Variants in CHD7 observed in about 807,000 individuals in gnomAD.
CHD7 encodes ATP-dependent chromatin remodeler CHD7.
Under a neutral mutation model 307.3 loss-of-function variants are expected in CHD7, and 24 were observed. That is an observed-to-expected ratio of 0.08 (90% CI 0.06 to 0.11). CHD7 has a LOEUF of 0.11. CHD7 is among the 10% of genes least tolerant of loss of function. CHD7 has a pLI of 1.00. For missense variants in CHD7, 3,106 were observed against 3,727.1 expected (o/e 0.83, Z 4.34); for synonymous variants, 1,363 against 1,349.9 (o/e 1.01, Z -0.21).
chr8:60,725,017 T>A (rs1808096616), intron 1 of CHD7, among the ~76,000 whole-genome samples: 1 of 152,234 alleles, frequency 6.6e-6, no homozygotes, highest in South Asian at 2.1e-4. Context: ...TTTGGTGGAT[T>A]ATTTGTTTAA....
chr8:60,820,230 T>C, intron 9 of CHD7, 140 bp downstream of exon 9: 1 of 466,502 alleles, frequency 2.1e-6, no homozygotes, highest in South Asian at 6.2e-5. Context: ...AACTGAAACT[T>C]AATGATTTAT....
At chr8:60,723,132 A>G (rs1377811461) in intron 1 of CHD7, among the ~76,000 whole-genome samples, 1 of 152,130 alleles carries the variant, frequency 6.6e-6, no homozygotes, top group East Asian at 1.9e-4. Flanking sequence ...ATTTGTTAAT[A>G]TTACCACCTA....
intron 1 of CHD7, among the ~76,000 whole-genome samples, chr8:60,736,539 A>G (rs907774562): frequency 1.4e-4 from 21 of 152,110 alleles, no homozygotes; most frequent in African/African-American, 4.8e-4. Context: ...GGAAATTCTG[A>G]TTCATGCTCC....
rs887422752 is a variant in CHD7 at position 60,788,980 on chromosome 8, C to A, written c.2097-6006C>A. Among the ~76,000 whole-genome samples the A allele has an allele frequency of 3.3e-5, 5 of 152,162 alleles. No individual in the cohort carries two copies. The East Asian group carries it at 9.6e-4, about 29-fold the overall frequency. On this transcript the variant is annotated intron_variant, in intron 3 of 37. Coordinates refer to ENST00000423902, the MANE Select transcript of CHD7 (RefSeq NM_017780.4). ...CCAGATTTTATGCTGCTTTAATTGGCTTTTTAGAACTTCATACTTTATCTT... is the reference window on the plus strand; with the variant it reads ...CCAGATTTTATGCTGCTTTAATTGGATTTTTAGAACTTCATACTTTATCTT...
At chr8:60,705,645 C>G (rs1806988627) in intron 1 of CHD7, among the ~76,000 whole-genome samples, 1 of 152,120 alleles carries the variant, frequency 6.6e-6, no homozygotes, top group African/African-American at 2.4e-5. Context: ...ATAAATAAAT[C>G]TTATTGAGTA....
intron 15 of CHD7, among the ~76,000 whole-genome samples, chr8:60,833,686 T>C (rs1206549338): frequency 6.6e-6 from 1 of 152,244 alleles, no homozygotes; most frequent in Non-Finnish European, 1.5e-5. Context: ...ATACACACTT[T>C]CCAGTGTAGT....
At chr8:60,687,075 C>T (rs1249494439) in intron 1 of CHD7, among the ~76,000 whole-genome samples, 1 of 152,078 alleles carries the variant, frequency 6.6e-6, no homozygotes, top group Non-Finnish European at 1.5e-5. Context: ...ACCACTGTGC[C>T]CTGTTATATC....
chr8:60,695,572 A>G (rs2150497033), intron 1 of CHD7, among the ~76,000 whole-genome samples: 1 of 152,316 alleles, frequency 6.6e-6, no homozygotes, highest in East Asian at 1.9e-4. Flanking sequence ...CTCATGTTTG[A>G]TGCTTTAGCA....
chr8:60,787,529 C>T (rs897745340), intron 3 of CHD7, among the ~76,000 whole-genome samples: 2 of 152,046 alleles, frequency 1.3e-5, no homozygotes. Context: ...TATGTTATAT[C>T]TAGGAAGTGG....
At chr8:60,768,329 G>A in intron 2 of CHD7, among the ~76,000 whole-genome samples, 1 of 152,148 alleles carries the variant, frequency 6.6e-6, no homozygotes, top group East Asian at 1.9e-4. Flanking sequence ...GGAAGTTGAG[G>A]CATCTTGAGT....
At chr8:60,712,661 A>G (rs947739084) in intron 1 of CHD7, among the ~76,000 whole-genome samples, 11 of 152,106 alleles carry the variant, frequency 7.2e-5, no homozygotes, top group African/African-American at 2.7e-4. Flanking sequence ...TCATGCCTGT[A>G]ATGCCAGCAC....
chr8:60,854,874 G>C (rs1805633210), intron 32 of CHD7, among the ~76,000 whole-genome samples: 1 of 152,112 alleles, frequency 6.6e-6, no homozygotes, highest in Non-Finnish European at 1.5e-5. Flanking sequence ...GTGAAATAAA[G>C]CCTTCAGATT....
At chr8:60,770,268 G>A (rs1366475232) in intron 2 of CHD7, among the ~76,000 whole-genome samples, 1 of 152,224 alleles carries the variant, frequency 6.6e-6, no homozygotes, top group Non-Finnish European at 1.5e-5. Context: ...AATCTGAACA[G>A]TTCTAAAACT....
At chr8:60,773,436 A>G (rs763974963) in intron 2 of CHD7, among the ~76,000 whole-genome samples, 3 of 152,260 alleles carry the variant, frequency 2.0e-5, no homozygotes, top group Non-Finnish European at 4.4e-5. Flanking sequence ...GCAAGCATTT[A>G]TGAAGCAACA....
chr8:60,806,339 G>T (rs1419065166), intron 6 of CHD7, among the ~76,000 whole-genome samples: 2 of 152,124 alleles, frequency 1.3e-5, no homozygotes, highest in Non-Finnish European at 1.5e-5. Context: ...CTCCAGCCTG[G>T]ATGACAGAGC....
In CHD7 at chr8:60,865,893, A is replaced by G. The variant is rs1308226776; in HGVS notation, c.8954A>G (p.Asp2985Gly). The change falls in exon 38 of 38, where the codon GAT becomes GGT. Residue 2985 changes from aspartate to glycine, a missense_variant. Physicochemically the swap from Asp to Gly is moderately conservative, Grantham distance 94. Coordinates refer to ENST00000423902, the MANE Select transcript of CHD7 (RefSeq NM_017780.4). This position sits in a 1 kb window ranked among gnomAD's most constrained non-coding sequence, Gnocchi z 4.3. ...CAGGGTGAAGAGCTAGACTCACTTGATGGGGGGGATGAAATAGAAAACAAT... is the reference window on the plus strand; with the variant it reads ...CAGGGTGAAGAGCTAGACTCACTTGGTGGGGGGGATGAAATAGAAAACAAT... ...IAQGEELDSL[D>G]GGDEIENNEN... 3 of 1,609,316 alleles carry G rather than the reference A, an allele frequency of 1.9e-6. No individual in the cohort carries two copies. The highest frequency in any genetic ancestry group is 2.5e-6 in the Non-Finnish European group (3 of 1,177,816).
chr8:60,726,887 C>G (rs559654656), intron 1 of CHD7, among the ~76,000 whole-genome samples: 1 of 152,300 alleles, frequency 6.6e-6, no homozygotes, highest in African/African-American at 2.4e-5. Flanking sequence ...TCTGCCTCTC[C>G]TATCTCATCT....
At position 60,693,387 on chromosome 8, in the gene CHD7, C is replaced by T. The variant is rs577584022; in HGVS notation, c.-175+14305C>T. ...TTGCCACCCCATTGCTCCTGCCGCTCAGCCTTCCTTGGGGCACCTGCAGAG... is the reference window on the plus strand; with the variant it reads ...TTGCCACCCCATTGCTCCTGCCGCTTAGCCTTCCTTGGGGCACCTGCAGAG... On this transcript the variant is annotated intron_variant, in intron 1 of 37. Coordinates refer to ENST00000423902, the MANE Select transcript of CHD7 (RefSeq NM_017780.4). Among the ~76,000 whole-genome samples, 13 of 152,368 alleles carry T rather than the reference C, an allele frequency of 8.5e-5. No homozygotes were observed. The East Asian group carries it at 2.1e-3, about 25-fold the overall frequency.
At chr8:60,821,719 T>C in intron 9 of CHD7, 71 bp from the exon 10 acceptor site, 1 of 1,294,098 alleles carries the variant, frequency 7.7e-7, no homozygotes. Flanking sequence ...AACATATATA[T>C]ACACATATAT....
Sources: allele counts gnomAD v4.1 joint callset (sites outside exome capture counted in the v4.1 genomes callset), GRCh38; gene constraint gnomAD v4.1.1; non-coding constraint Gnocchi (gnomAD v3.1); transcripts MANE v1.5; gene names NCBI Gene and HGNC (gene_info 2026-07-23, HGNC 2026-07-21).